Variants in SPIRE2 observed in about 807,000 individuals in gnomAD.
SPIRE2 encodes the protein protein spire homolog 2.
In SPIRE2, 76 loss-of-function variants were observed where a neutral mutation model predicts 80.7. The observed-to-expected ratio is 0.94, with a 90% CI of 0.78 to 1.14. The LOEUF is 1.14. Ranked by LOEUF, SPIRE2 falls within the 50% of genes most tolerant of loss-of-function variation. SPIRE2 has a pLI of 0.00. For missense variants in SPIRE2, 1,196 were observed against 1,015.3 expected (o/e 1.18, Z -2.42); for synonymous variants, 535 against 432.6 (o/e 1.24, Z -2.94).
chr16:89,845,593 T>C (rs1477231212), intron 2 of SPIRE2: 3 of 702,570 alleles, frequency 4.3e-6, no homozygotes, highest in Non-Finnish European at 7.8e-6. Flanking sequence ...GCTTCCGGCC[T>C]GGAGGAGGCA....
chr16:89,842,209 T>A (rs989161543), intron 1 of SPIRE2, among the ~76,000 whole-genome samples: 1 of 70,858 alleles, frequency 1.4e-5, no homozygotes, highest in Non-Finnish European at 2.7e-5. Flanking sequence ...GAACACGTAA[T>A]TTTTTTTTTT....
intron 9 of SPIRE2, among the ~76,000 whole-genome samples, 199 bp downstream of exon 9, chr16:89,859,553 T>C (rs2041723870): frequency 6.6e-6 from 1 of 152,178 alleles, no homozygotes. Context: ...GTAATGCATA[T>C]TTATTATAAA....
chr16:89,863,525 T>C lies in SPIRE2; in HGVS notation c.1625T>C (p.Met542Thr). The C allele has an allele frequency of 1.2e-6, 2 of 1,614,022 alleles. No individual in the cohort carries two copies. The highest frequency in any genetic ancestry group is 1.7e-6 in the Non-Finnish European group (2 of 1,180,020). ...CTGGCGCTGACTGTGGAAGAGGTGA[T>C]GGACGTGCGCCGTGTGCTGGTGAAG... ...ESLALTVEEV[M>T]DVRRVLVKAE... Residue 542 changes from methionine to threonine, a missense_variant, in exon 11 of 15, where the codon ATG becomes ACG. Met to Thr is a moderately conservative substitution (Grantham distance 81). Transcript: ENST00000378247. This position sits in a 1 kb window ranked among gnomAD's most constrained non-coding sequence, Gnocchi z 4.3.
In SPIRE2 at chr16:89,854,492, A is replaced by T; in HGVS notation, c.732A>T (p.Arg244=). The stretch of plus-strand genomic sequence containing the variant: ...TCTCTTCCCCTGGGGCCCAGGCCCG[A>T]CTGTGGGTTCAGCTCATGCGGGAGC... ...LDSLGHTDWA[R]LWVQLMRELR... Residue 244 remains arginine, a synonymous_variant, in exon 5 of 15, where the codon CGA becomes CGT. Transcript: ENST00000378247. The T allele has an allele frequency of 3.1e-6, 5 of 1,612,244 alleles. No individual in the cohort carries two copies. Among genetic ancestry groups the T allele is most frequent in the Non-Finnish European group, 2.5e-6 (3 of 1,179,622 alleles).
At chr16:89,833,366 C>T (rs2041406935) in intron 1 of SPIRE2, among the ~76,000 whole-genome samples, 2 of 151,834 alleles carry the variant, frequency 1.3e-5, no homozygotes, top group Admixed American at 6.6e-5. Context: ...CTCAGGTGAT[C>T]CGCCTGCCTC....
Position 89,858,136 on chromosome 16 carries a change from T to C in SPIRE2, c.1103-202T>C, listed in dbSNP as rs552902469. On this transcript the variant is annotated intron_variant, in intron 7 of 14. Transcript: ENST00000378247. ...TCCTGACCTCGTGATCCACCCGCCTTGGCCTCCCAAAGTGCTGGGATTACA... is the reference window on the plus strand; with the variant it reads ...TCCTGACCTCGTGATCCACCCGCCTCGGCCTCCCAAAGTGCTGGGATTACA... 3.0e-3 allele frequency among the ~76,000 whole-genome samples: 438 copies of C among 147,806 alleles called. 3 individuals are homozygous for C. Among genetic ancestry groups the C allele is most frequent in the African/African-American group, 0.01 (419 of 40,102 alleles).
chr16:89,850,644 T>C lies in SPIRE2; in HGVS notation c.629T>C (p.Val210Ala). ...TLELRAFLAR[V>A]REAKEMLQKL... ...GAGCTGCGGGCCTTCCTGGCCAGGG[T>C]CCGGGAGGCCAAGGAGGTGAGCGGT... Residue 210 changes from valine (V) to alanine (A), a missense_variant, in exon 3 of 15, where the codon GTC (valine) becomes GCC (alanine). Physicochemically the swap from Val to Ala is moderately conservative, Grantham distance 64 (BLOSUM62 0). Coordinates refer to ENST00000378247, the MANE Select transcript of SPIRE2 (RefSeq NM_032451.2). 7.5e-7 allele frequency: 1 copy of C among 1,340,308 alleles called. No homozygotes were observed. The highest frequency in any genetic ancestry group is 9.7e-7 in the Non-Finnish European group (1 of 1,032,954). The allele number at this position is 1,340,308 out of a possible 1,614,324, so 83.0% of individuals were successfully genotyped here. A position where few individuals can be genotyped will look rare whatever the true frequency, so the allele number is the denominator to read the frequency against.
Position 89,828,866 on chromosome 16 carries a change from G to A in SPIRE2, c.244+72G>A, listed in dbSNP as rs555820162. 1.6e-5 allele frequency: 18 copies of A among 1,127,188 alleles called. No homozygotes were observed. The highest frequency in any genetic ancestry group is 1.9e-5 in the Non-Finnish European group (17 of 912,480). The allele number at this position is 1,127,188 out of a possible 1,614,324, so 69.8% of individuals were successfully genotyped here. A position where few individuals can be genotyped will look rare whatever the true frequency, so the allele number is the denominator to read the frequency against. On this transcript the variant is annotated intron_variant, in intron 1 of 14. Transcript: ENST00000378247. This position sits in a 1 kb window ranked among gnomAD's most constrained non-coding sequence, Gnocchi z 5.9. ...TCCGTCCCGCCCCCTGGGTGGGGGT[G>A]GTCCCGGCGGAGAGGCTGCGACCGG...
chr16:89,856,056 C>T (rs543503639), intron 6 of SPIRE2, 57 bp from the exon 7 acceptor site: 3 of 1,588,760 alleles, frequency 1.9e-6, no homozygotes, highest in Non-Finnish European at 2.6e-6. Context: ...ACCGCAGGTC[C>T]CGCTTCCCCA....
At chr16:89,864,302 C>A (rs571642349) in intron 12 of SPIRE2, among the ~76,000 whole-genome samples, 5 of 152,122 alleles carry the variant, frequency 3.3e-5, no homozygotes, top group African/African-American at 1.2e-4. Flanking sequence ...TCGAGTCCGC[C>A]GTGTAGAACT....
At chr16:89,862,859 T>C (rs1473784452) in intron 10 of SPIRE2, 3 of 154,092 alleles carry the variant, frequency 1.9e-5, no homozygotes, top group Non-Finnish European at 4.3e-5. Flanking sequence ...TGGCAGTGTG[T>C]TTAAGGGCTT....
intron 1 of SPIRE2, among the ~76,000 whole-genome samples, chr16:89,838,204 A>G (rs1232900075): frequency 7.8e-6 from 1 of 128,688 alleles, no homozygotes; most frequent in African/African-American, 3.0e-5. Context: ...TTTAAGAGAG[A>G]CGGGATCTTA....
At chr16:89,849,365 G>A (rs1344389931) in intron 2 of SPIRE2, among the ~76,000 whole-genome samples, 4 of 152,218 alleles carry the variant, frequency 2.6e-5, no homozygotes, top group Admixed American at 6.5e-5. Flanking sequence ...CCATGCCTCC[G>A]TCCCTGTCCC....
intron 1 of SPIRE2, among the ~76,000 whole-genome samples, chr16:89,837,094 G>A (rs114261875): frequency 0.015 from 2,270 of 152,260 alleles, 65 homozygotes; most frequent in African/African-American, 0.052. Flanking sequence ...GGCCCGTCGC[G>A]TGGGTTCTGG....
In SPIRE2 at chr16:89,863,466, C is replaced by G. The variant is rs374615205; in HGVS notation, c.1576-10C>G. The G allele has an allele frequency of 5.0e-6, 8 of 1,613,704 alleles. No homozygotes were observed. The African/African-American group carries it at 9.3e-5, about 19-fold the overall frequency. On this transcript the variant is annotated splice_polypyrimidine_tract_variant and intron_variant, in intron 10 of 14. Transcript: ENST00000378247. The surrounding 1 kb of genome is among the most constrained non-coding windows in gnomAD (Gnocchi z 4.3). Reference sequence around the variant, plus strand: ...GCATAGAAGACTTCCTACCTGAGGCCGTCCCCTAGGAGTTCAGCCACCCCG... The same window carrying G: ...GCATAGAAGACTTCCTACCTGAGGCGGTCCCCTAGGAGTTCAGCCACCCCG...
intron 1 of SPIRE2, among the ~76,000 whole-genome samples, chr16:89,842,160 C>T (rs1027350388): frequency 2.6e-5 from 4 of 150,944 alleles, no homozygotes; most frequent in Non-Finnish European, 5.9e-5. Flanking sequence ...AACCCAGAGA[C>T]ACCCCAAGTC....
chr16:89,845,388 T>G, intron 2 of SPIRE2, 23 bp downstream of exon 2: 1 of 1,596,698 alleles, frequency 6.3e-7, no homozygotes, highest in African/African-American at 1.3e-5. Context: ...AAATTCCAAG[T>G]ATTACTTGAT....
At chr16:89,833,610 G>C (rs2041409879) in intron 1 of SPIRE2, among the ~76,000 whole-genome samples, 1 of 152,240 alleles carries the variant, frequency 6.6e-6, no homozygotes, top group Admixed American at 6.5e-5. Flanking sequence ...TTGTGCCTCG[G>C]TTTCCTTCTC....
intron 12 of SPIRE2, among the ~76,000 whole-genome samples, chr16:89,867,889 A>C (rs2041803878): frequency 6.6e-6 from 1 of 152,174 alleles, no homozygotes; most frequent in African/African-American, 2.4e-5. Flanking sequence ...CTGGCCCACC[A>C]CCACTATGTT....
Sources: gnomAD v4.1 joint callset for allele counts (sites outside exome capture counted in the v4.1 genomes callset) on GRCh38, gnomAD v4.1.1 for gene constraint, Gnocchi (gnomAD v3.1) non-coding constraint, MANE v1.5 for transcripts, NCBI Gene and HGNC (gene_info 2026-07-23, HGNC 2026-07-21) for gene names.